ICMT: variants seen among roughly 807,000 people sequenced by gnomAD.
ICMT encodes the protein isoprenylcysteine carboxyl methyltransferase.
In ICMT, 10 loss-of-function variants were observed where a neutral mutation model predicts 32.2. The observed-to-expected ratio is 0.31, with a 90% CI of 0.19 to 0.53. The LOEUF (loss-of-function observed/expected upper bound fraction) is 0.53. Ranked by LOEUF, ICMT falls within the 20% of genes least tolerant of loss-of-function variation. ICMT has a pLI of 0.96. For synonymous variants in ICMT, 183 were observed against 158.2 expected (o/e 1.16, Z -1.18); for missense variants, 265 against 356.9 (o/e 0.74, Z 2.07).
At chr1:6,233,877 C>G (rs539045431) in intron 2 of ICMT, among the ~76,000 whole-genome samples, 5 of 152,150 alleles carry the variant, frequency 3.3e-5, no homozygotes, top group Non-Finnish European at 7.4e-5. Context: ...GAGACAGAGT[C>G]TCGCTGTGTC....
Position 6,235,878 on chromosome 1 carries a change from A to C in ICMT, c.34T>G (p.Ser12Ala), listed in dbSNP as rs1215133562. 6.2e-6 allele frequency: 7 copies of C among 1,137,730 alleles called. No individual in the cohort carries two copies. The highest frequency in any genetic ancestry group is 7.5e-6 in the Non-Finnish European group (7 of 930,154). The allele number at this position is 1,137,730 out of a possible 1,614,324, so 70.5% of individuals were successfully genotyped here. Residue 12 changes from serine (S) to alanine (A), a missense_variant, in exon 1 of 5, where the codon TCT becomes GCT. Around this residue, in one of 2 missense-constraint regions of ICMT, gnomAD observed 99 missense variants for 92.6 expected, o/e 1.07. Coordinates refer to ENST00000343813, the MANE Select transcript of ICMT (RefSeq NM_012405.4). ...GTGGCGAGGCTGAGACGCGCCTCAG[A>C]GCCCGGCGGAGCCCGCGCCGCGCAG... ...AGCAARAPPG[S>A]EARLSLATFL...
chr1:6,231,852 GTTAC>G, intron 4 of ICMT, 46 bp downstream of exon 4: 1 of 1,153,534 alleles, frequency 8.7e-7, no homozygotes, highest in Non-Finnish European at 1.2e-6. Flanking sequence ...CGTTTAAAAT[GTTAC>G]TTAAAAAAAA....
rs1668567691 is a variant in ICMT, at chr1:6,222,293, C to T, written c.*2787G>A. 1 of 152,162 alleles carries T rather than the reference C, an allele frequency of 6.6e-6. No homozygotes were observed. The highest frequency in any genetic ancestry group is 2.1e-4 in the South Asian group (1 of 4,826). The allele number at this position is 152,162 out of a possible 1,614,324, so 9.4% of individuals were successfully genotyped here. A position where few individuals can be genotyped will look rare whatever the true frequency, so the allele number is the denominator to read the frequency against. On this transcript the variant is annotated 3_prime_UTR_variant, in exon 5 of 5. Transcript: ENST00000343813. ...AAAAAATTAGCTGGGCATGGTGGCC[C>T]AAGCCTGTAATCCCAGCTACTCAGG...
intron 4 of ICMT, among the ~76,000 whole-genome samples, chr1:6,228,831 C>A (rs12078370): frequency 0.18 from 26,089 of 148,284 alleles, 3,967 homozygotes; most frequent in African/African-American, 0.42. Flanking sequence ...GTTTGAGAAC[C>A]GCCTGGCCAA....
At position 6,224,813 on chromosome 1, in the gene ICMT, C is replaced by G. The variant is rs1668618389; in HGVS notation, c.*267G>C. ...TGGCCTCGGTCCTCCCCAGGTAACT[C>G]TGGAGGGCGCTGTGGAATATTGCTG... On this transcript the variant is annotated 3_prime_UTR_variant, in exon 5 of 5. Transcript: ENST00000343813. 1 of 403,734 alleles carries G rather than the reference C, an allele frequency of 2.5e-6. No homozygotes were observed. Among genetic ancestry groups the G allele is most frequent in the Non-Finnish European group, 4.4e-6 (1 of 226,298 alleles). 25.0% of individuals were successfully genotyped at this position (403,734 alleles called of 1,614,324 possible). A position where few individuals can be genotyped will look rare whatever the true frequency, so the allele number is the denominator to read the frequency against.
chr1:6,227,296 G>C (rs1668659401), intron 4 of ICMT, among the ~76,000 whole-genome samples: 1 of 152,182 alleles, frequency 6.6e-6, no homozygotes, highest in South Asian at 2.1e-4. Context: ...TTTGTTCCCA[G>C]GGAAGGTGAT....
At position 6,223,761 on chromosome 1, in the gene ICMT, C is replaced by T. The variant is rs914065855; in HGVS notation, c.*1319G>A. 3 of 152,234 alleles carry T rather than the reference C, an allele frequency of 2.0e-5. No individual in the cohort carries two copies. The highest frequency in any genetic ancestry group is 7.2e-5 in the African/African-American group (3 of 41,454). 9.4% of individuals were successfully genotyped at this position (152,234 alleles called of 1,614,324 possible). A position where few individuals can be genotyped will look rare whatever the true frequency, so the allele number is the denominator to read the frequency against. On this transcript the variant is annotated 3_prime_UTR_variant, in exon 5 of 5. Coordinates refer to ENST00000343813, the MANE Select transcript of ICMT (RefSeq NM_012405.4). ...AAAGGTTTAGTGGCTCCTCACAGGC[C>T]GCGTGGTGGGGCAGCAGAGTGGTGC...
In ICMT at chr1:6,223,597, A is replaced by G. The variant is rs945623501; in HGVS notation, c.*1483T>C. 1.7e-4 allele frequency: 26 copies of G among 152,252 alleles called. No homozygotes were observed. The highest frequency in any genetic ancestry group is 6.3e-4 in the African/African-American group (26 of 41,452). The allele number at this position is 152,252 out of a possible 1,614,324, so 9.4% of individuals were successfully genotyped here. Reference sequence around the variant, plus strand: ...GTCTGCCCATTTTTGTGTAGCTTTCATACAGTACAGATTTCATTGATGTCG... The same window carrying G: ...GTCTGCCCATTTTTGTGTAGCTTTCGTACAGTACAGATTTCATTGATGTCG... On this transcript the variant is annotated 3_prime_UTR_variant, in exon 5 of 5. Transcript: ENST00000343813.
In ICMT at chr1:6,235,705, G is replaced by A; in HGVS notation, c.195+12C>T. 1 of 1,195,800 alleles carries A rather than the reference G, an allele frequency of 8.4e-7. No homozygotes were observed. Among genetic ancestry groups the A allele is most frequent in the Non-Finnish European group, 1.0e-6 (1 of 966,186 alleles). The allele number at this position is 1,195,800 out of a possible 1,614,324, so 74.1% of individuals were successfully genotyped here. A position where few individuals can be genotyped will look rare whatever the true frequency, so the allele number is the denominator to read the frequency against. The stretch of plus-strand genomic sequence containing the variant: ...GCCCCGCCGGCCCCCGCCGGCCCCC[G>A]CCGGCCTGCACCTGGTAGCGAGGCG... On this transcript the variant is annotated intron_variant, in intron 1 of 4. Coordinates refer to ENST00000343813, the MANE Select transcript of ICMT (RefSeq NM_012405.4).
intron 3 of ICMT, among the ~76,000 whole-genome samples, chr1:6,232,497 A>G (rs1201659086): frequency 6.6e-6 from 1 of 152,206 alleles, no homozygotes; most frequent in African/African-American, 2.4e-5. Flanking sequence ...AGCCACATGT[A>G]TTTCATTTCA....
intron 4 of ICMT, among the ~76,000 whole-genome samples, chr1:6,228,798 G>A (rs892549233): frequency 1.3e-5 from 2 of 151,874 alleles, no homozygotes; most frequent in African/African-American, 2.4e-5. Context: ...AGGCTGAAGC[G>A]GGTGGATCAT....
rs374609695 is a variant in ICMT, at chr1:6,229,334, C to T, written c.672+2568G>A. Among the ~76,000 whole-genome samples the T allele has an allele frequency of 1.5e-4, 23 of 151,698 alleles. 1 individual carries two copies. The South Asian group carries it at 4.6e-3, about 30-fold the overall frequency. ...TCTCTACTAAAAATACAAAATTAGC[C>T]GGGTATGGTGGCGCATGCCTGTAAT... On this transcript the variant is annotated intron_variant, in intron 4 of 4. Transcript: ENST00000343813.
Position 6,235,918 on chromosome 1 carries a change from G to A in ICMT, c.-7C>T, listed in dbSNP as rs1259619589. On this transcript the variant is annotated 5_prime_UTR_variant, in exon 1 of 5. Transcript: ENST00000343813. ...GCGCCGCGCAGCCCGCCATGGCGCC[G>A]GGCGGCGGACTAGCGGGCGGCGGCG... The A allele has an allele frequency of 3.1e-5, 33 of 1,080,384 alleles. No homozygotes were observed. The highest frequency in any genetic ancestry group is 4.4e-5 in the South Asian group (1 of 22,522). 66.9% of individuals were successfully genotyped at this position (1,080,384 alleles called of 1,614,324 possible).
intron 4 of ICMT, among the ~76,000 whole-genome samples, chr1:6,230,091 A>C (rs1668709322): frequency 6.7e-6 from 1 of 150,190 alleles, no homozygotes; most frequent in Admixed American, 6.6e-5. Flanking sequence ...GGAGTTCAAG[A>C]CCAGCATGGG....
At chr1:6,226,848 C>G (rs1668652487) in intron 4 of ICMT, among the ~76,000 whole-genome samples, 2 of 152,222 alleles carry the variant, frequency 1.3e-5, no homozygotes, top group Admixed American at 1.3e-4. Context: ...GTAGGGGGAA[C>G]TACAGGCATG....
rs1008958367 is a variant in ICMT, at chr1:6,235,584, C to A, written c.195+133G>T. Reference sequence around the variant, plus strand: ...CCCGGAGAGAGAGGGTCCCCTCCTGCGACCTGAACTCGCGGATGAAGAGCG... The same window carrying A: ...CCCGGAGAGAGAGGGTCCCCTCCTGAGACCTGAACTCGCGGATGAAGAGCG... On this transcript the variant is annotated intron_variant, in intron 1 of 4. Coordinates refer to ENST00000343813, the MANE Select transcript of ICMT (RefSeq NM_012405.4). 19 of 508,998 alleles carry A rather than the reference C, an allele frequency of 3.7e-5. No individual in the cohort carries two copies. The African/African-American group carries it at 3.9e-4, about 10-fold the overall frequency. The allele number at this position is 508,998 out of a possible 1,614,324, so 31.5% of individuals were successfully genotyped here. A position where few individuals can be genotyped will look rare whatever the true frequency, so the allele number is the denominator to read the frequency against.
At position 6,224,101 on chromosome 1, in the gene ICMT, T is replaced by A. The variant is rs1668603612; in HGVS notation, c.*979A>T. The A allele has an allele frequency of 6.6e-6, 1 of 152,124 alleles. No homozygotes were observed. The allele number at this position is 152,124 out of a possible 1,614,324, so 9.4% of individuals were successfully genotyped here. The stretch of plus-strand genomic sequence containing the variant: ...CAGTTTGAAATGACATGAGGGACAA[T>A]GTAATTTTGAGAACAGAACACAGAA... On this transcript the variant is annotated 3_prime_UTR_variant, in exon 5 of 5. Transcript: ENST00000343813.
At chr1:6,225,397 G>T (rs930957011) in intron 4 of ICMT, 135 bp from the exon 5 acceptor site, 37 of 800,428 alleles carry the variant, frequency 4.6e-5, no homozygotes, top group Non-Finnish European at 6.5e-5. Flanking sequence ...TCTGGGAGCA[G>T]TACTGTCACC....
In ICMT at chr1:6,234,988, A is replaced by G. The variant is rs758843002; in HGVS notation, c.196-14T>C. Reference sequence around the variant, plus strand: ...TCGGATGGCTATCTGAAAGGAACCCAAGAGAAGCTCAGTCATTCACAGTCC... The same window carrying G: ...TCGGATGGCTATCTGAAAGGAACCCGAGAGAAGCTCAGTCATTCACAGTCC... On this transcript the variant is annotated splice_polypyrimidine_tract_variant and intron_variant, in intron 1 of 4. Transcript: ENST00000343813. The G allele has an allele frequency of 1.9e-6, 3 of 1,609,092 alleles. No individual in the cohort carries two copies. Among genetic ancestry groups the G allele is most frequent in the Non-Finnish European group, 2.6e-6 (3 of 1,176,122 alleles).
Sources: gnomAD v4.1 joint callset for allele counts (sites outside exome capture counted in the v4.1 genomes callset) on GRCh38, gnomAD v4.1.1 for gene constraint, gnomAD v4.1.1 regional missense constraint, MANE v1.5 for transcripts, NCBI Gene and HGNC (gene_info 2026-07-23, HGNC 2026-07-21) for gene names.